The following FNDC3B variants were observed in gnomAD, a reference collection of about 807,000 sequenced individuals.
FNDC3B encodes fibronectin type III domain containing 3B.
Under a neutral mutation model 151.5 loss-of-function variants are expected in FNDC3B, and 12 were observed. The ratio of observed to expected loss-of-function variants is 0.08; its 90% CI spans 0.05 to 0.13. The LOEUF is 0.13. Ranked by LOEUF, FNDC3B falls within the 10% of genes least tolerant of loss-of-function variation. The pLI is 1.00. For synonymous variants in FNDC3B, 528 were observed against 549.0 expected (o/e 0.96, Z 0.54); for missense variants, 1,214 against 1,505.3 (o/e 0.81, Z 3.20).
At chr3:172,156,353 C>T (rs140395693) in intron 3 of FNDC3B, among the ~76,000 whole-genome samples, 117 of 152,312 alleles carry the variant, frequency 7.7e-4, no homozygotes, top group African/African-American at 2.6e-3. Flanking sequence ...AATCTGGCTC[C>T]GAGTTGCTGT....
chr3:172,130,825 GACATAGAGTCTTGGC>G, intron 2 of FNDC3B, among the ~76,000 whole-genome samples: 1 of 152,246 alleles, frequency 6.6e-6, no homozygotes, highest in Admixed American at 6.5e-5. Flanking sequence ...GAAAATCTAG[GACATAGAGTCTTGGC>G]ATCCATTGGT....
chr3:172,253,728 A>T (rs1197984252), intron 6 of FNDC3B, among the ~76,000 whole-genome samples: 3 of 151,996 alleles, frequency 2.0e-5, no homozygotes, highest in Non-Finnish European at 2.9e-5. Flanking sequence ...TGTTTTTTTT[A>T]TGTAATGTTT....
intron 7 of FNDC3B, among the ~76,000 whole-genome samples, chr3:172,292,574 A>G (rs1035725092): frequency 6.6e-6 from 1 of 152,238 alleles, no homozygotes; most frequent in Non-Finnish European, 1.5e-5. Context: ...GAACGTTGGC[A>G]TTTGACTGAG....
In FNDC3B at chr3:172,240,060, A is replaced by G. The variant is rs539002219; in HGVS notation, c.265-7473A>G. Among the ~76,000 whole-genome samples, 2 of 151,756 alleles carry G rather than the reference A, an allele frequency of 1.3e-5. 1 individual carries two copies. Among genetic ancestry groups the G allele is most frequent in the South Asian group, 4.2e-4 (2 of 4,804 alleles). ...ATATTTTTTTGTATTTTTAGTAGAG[A>G]TGGGGTTTCACCGTGTTAGCCAGGA... On this transcript the variant is annotated intron_variant, in intron 4 of 25. Coordinates refer to ENST00000415807, the MANE Select transcript of FNDC3B (RefSeq NM_022763.4).
At chr3:172,370,951 A>G (rs1734851948) in intron 23 of FNDC3B, among the ~76,000 whole-genome samples, 1 of 152,204 alleles carries the variant, frequency 6.6e-6, no homozygotes, top group Non-Finnish European at 1.5e-5. Context: ...ACATTGGCAC[A>G]TCATTATTAC....
At chr3:172,105,205 T>C (rs551365874) in intron 1 of FNDC3B, among the ~76,000 whole-genome samples, 11 of 152,268 alleles carry the variant, frequency 7.2e-5, no homozygotes, top group Non-Finnish European at 1.3e-4. Context: ...ACCCGGGGTG[T>C]ATGGGGGGAG....
At chr3:172,367,076 G>C (rs1336160841) in intron 23 of FNDC3B, among the ~76,000 whole-genome samples, 2 of 152,154 alleles carry the variant, frequency 1.3e-5, no homozygotes, top group Non-Finnish European at 2.9e-5. Context: ...ACCTGGACTT[G>C]CTATGTTGAA....
At chr3:172,201,876 G>C (rs1418097730) in intron 3 of FNDC3B, among the ~76,000 whole-genome samples, 2 of 152,170 alleles carry the variant, frequency 1.3e-5, no homozygotes, top group South Asian at 2.1e-4. Context: ...GGATATGCTG[G>C]TATGAAAAGT....
chr3:172,259,795 GT>G (rs1291742016), intron 6 of FNDC3B, among the ~76,000 whole-genome samples: 1 of 152,134 alleles, frequency 6.6e-6, no homozygotes, highest in Non-Finnish European at 1.5e-5. Flanking sequence ...AATCTGGAAT[GT>G]TTTAAAGATG....
chr3:172,205,804 G>A lies in FNDC3B; in HGVS notation c.188-21067G>A, dbSNP rs148961221. 4.5e-3 allele frequency among the ~76,000 whole-genome samples: 678 copies of A among 152,228 alleles called. 2 individuals are homozygous for A. The highest frequency in any genetic ancestry group is 0.015 in the African/African-American group (641 of 41,522). On this transcript the variant is annotated intron_variant, in intron 3 of 25. Coordinates refer to ENST00000415807, the MANE Select transcript of FNDC3B (RefSeq NM_022763.4). ...AAGAAGTTTGCTCCTCTTTGTTTTTGTCACAGAAAGAAGTTCCACATTTAA... is the reference window on the plus strand; with the variant it reads ...AAGAAGTTTGCTCCTCTTTGTTTTTATCACAGAAAGAAGTTCCACATTTAA...
chr3:172,288,535 C>G (rs1730140627), intron 7 of FNDC3B, among the ~76,000 whole-genome samples: 1 of 152,186 alleles, frequency 6.6e-6, no homozygotes, highest in Non-Finnish European at 1.5e-5. Flanking sequence ...TTCCTTAGTC[C>G]TATAAAGCTG....
At chr3:172,122,652 G>T (rs1720609984) in intron 2 of FNDC3B, among the ~76,000 whole-genome samples, 1 of 152,230 alleles carries the variant, frequency 6.6e-6, no homozygotes, top group Non-Finnish European at 1.5e-5. Flanking sequence ...CTGAGCAGCA[G>T]GTGTGTTCAG....
At chr3:172,335,105 C>T in intron 15 of FNDC3B, 23 bp downstream of exon 15, 11 of 1,435,082 alleles carry the variant, frequency 7.7e-6, no homozygotes, top group East Asian at 5.3e-5. Context: ...GCTGCTGCTA[C>T]TGTTTTTTTT....
intron 11 of FNDC3B, among the ~76,000 whole-genome samples, chr3:172,328,575 G>A (rs562234963): frequency 2.0e-5 from 3 of 152,288 alleles, no homozygotes; most frequent in South Asian, 4.1e-4. Flanking sequence ...TAGACTCTTG[G>A]TTGATCAGGC....
chr3:172,299,515 C>T (rs1730794531), intron 9 of FNDC3B, among the ~76,000 whole-genome samples: 1 of 152,076 alleles, frequency 6.6e-6, no homozygotes, highest in Non-Finnish European at 1.5e-5. Flanking sequence ...TGAATATGAC[C>T]CATAACACTA....
At chr3:172,176,305 G>A (rs1209584081) in intron 3 of FNDC3B, among the ~76,000 whole-genome samples, 1 of 152,176 alleles carries the variant, frequency 6.6e-6, no homozygotes. Flanking sequence ...TAAGAGAGAC[G>A]AGTATAGTAA....
chr3:172,039,584 A>C lies in FNDC3B; in HGVS notation c.-216A>C, dbSNP rs1033375961. The C allele has an allele frequency of 6.5e-6, 1 of 153,802 alleles. No homozygotes were observed. Among genetic ancestry groups the C allele is most frequent in the South Asian group, 1.7e-4 (1 of 5,824 alleles). The allele number at this position is 153,802 out of a possible 1,614,324, so 9.5% of individuals were successfully genotyped here. ...CCCATGTGGTCCCGACATCATTGAC[A>C]TGGCGGAATCCCCCATCAAACCCTC... On this transcript the variant is annotated 5_prime_UTR_variant, in exon 1 of 26. An upstream start codon of the reference 5' UTR is lost. Coordinates refer to ENST00000415807, the MANE Select transcript of FNDC3B (RefSeq NM_022763.4).
At chr3:172,088,908 T>C (rs568915588) in intron 1 of FNDC3B, among the ~76,000 whole-genome samples, 4 of 152,328 alleles carry the variant, frequency 2.6e-5, no homozygotes, top group African/African-American at 7.2e-5. Context: ...TAGTAATATT[T>C]TTACTCATTT....
At chr3:172,381,194 A>G (rs183057933) in intron 25 of FNDC3B, 101 bp downstream of exon 25, 1 of 1,356,696 alleles carries the variant, frequency 7.4e-7, no homozygotes, top group Admixed American at 2.0e-5. Context: ...TTTTCTTAAA[A>G]TCAGTGATAG....
Sources: gnomAD v4.1 joint callset for allele counts (sites outside exome capture counted in the v4.1 genomes callset) on GRCh38, gnomAD v4.1.1 for gene constraint, MANE v1.5 for transcripts, NCBI Gene and HGNC (gene_info 2026-07-23, HGNC 2026-07-21) for gene names.